The following DRD2 variants were observed in gnomAD, a reference collection of about 807,000 sequenced individuals.
DRD2 encodes the protein D(2) dopamine receptor.
Under a neutral mutation model 38.0 loss-of-function variants are expected in DRD2, and 8 were observed. The ratio of observed to expected loss-of-function variants is 0.21; its 90% CI spans 0.12 to 0.38. The LOEUF (loss-of-function observed/expected upper bound fraction) is 0.38, where lower values mean the gene tolerates loss of function less well. Among genes scored for constraint, DRD2 ranks in the 10% least tolerant of loss-of-function variants. The probability of loss-of-function intolerance (pLI) is 1.00; values close to 1 mark genes in which losing one functional copy is unlikely to be tolerated. For synonymous variants in DRD2, 230 were observed against 238.6 expected (o/e 0.96, Z 0.33); for missense variants, 403 against 607.7 (o/e 0.66, Z 3.54).
chr11:113,468,767 T>A (rs1376827818), intron 1 of DRD2, among the ~76,000 whole-genome samples: 1 of 152,262 alleles, frequency 6.6e-6, no homozygotes, highest in East Asian at 1.9e-4. Context: ...AGGCTGGTTG[T>A]GAACTCCTGA....
chr11:113,416,999 C>A lies in DRD2; in HGVS notation c.396G>T (p.Arg132Ser). 6.2e-7 allele frequency: 1 copy of A among 1,613,750 alleles called. No individual in the cohort carries two copies. The highest frequency in any genetic ancestry group is 1.1e-5 in the South Asian group (1 of 91,016). ...ILNLCAISID[R>S]YTAVAMPMLY... Reference sequence around the variant, plus strand: ...GCATGGGCATGGCCACAGCTGTGTACCTGCAAGGGCGGGGGACCCTGAATC... The same window carrying A: ...GCATGGGCATGGCCACAGCTGTGTAACTGCAAGGGCGGGGGACCCTGAATC... The change falls in exon 4 of 8, where the codon AGG (arginine) becomes AGT (serine). Residue 132 changes from arginine (R) to serine (S), a missense_variant and splice_region_variant. Arg to Ser is a moderately radical substitution (Grantham distance 110). Transcript: ENST00000362072.
At chr11:113,449,237 G>T (rs576126167) in intron 1 of DRD2, among the ~76,000 whole-genome samples, 1 of 152,052 alleles carries the variant, frequency 6.6e-6, no homozygotes, top group Non-Finnish European at 1.5e-5. Flanking sequence ...AAAGGGAAAA[G>T]CCCACCTCCT....
At chr11:113,466,993 T>C (rs1951375941) in intron 1 of DRD2, among the ~76,000 whole-genome samples, 1 of 152,182 alleles carries the variant, frequency 6.6e-6, no homozygotes, top group African/African-American at 2.4e-5. Context: ...GACCTTCAAC[T>C]ACACATACTA....
intron 2 of DRD2, among the ~76,000 whole-genome samples, chr11:113,418,597 C>G (rs1272585966): frequency 6.6e-6 from 1 of 152,178 alleles, no homozygotes; most frequent in African/African-American, 2.4e-5. Context: ...TAGTTAATTC[C>G]TGAAGACAGA....
chr11:113,455,469 A>G (rs1386825157), intron 1 of DRD2, among the ~76,000 whole-genome samples: 1 of 152,224 alleles, frequency 6.6e-6, no homozygotes, highest in Non-Finnish European at 1.5e-5. Context: ...AATTACATCA[A>G]ACTAAAATGT....
chr11:113,458,331 T>C (rs1951285899), intron 1 of DRD2, among the ~76,000 whole-genome samples: 1 of 152,164 alleles, frequency 6.6e-6, no homozygotes, highest in African/African-American at 2.4e-5. Context: ...TTTTATTGCA[T>C]ATGTAATCTC....
At chr11:113,415,153 G>A (rs1191185841) in intron 5 of DRD2, 7 of 397,054 alleles carry the variant, frequency 1.8e-5, no homozygotes, top group Admixed American at 4.1e-5. Context: ...CCAAGCAAGA[G>A]TTGCCGCCTT....
chr11:113,458,025 C>A (rs996872748), intron 1 of DRD2, among the ~76,000 whole-genome samples: 1 of 152,232 alleles, frequency 6.6e-6, no homozygotes, highest in South Asian at 2.1e-4. Flanking sequence ...GGAAGCCAGA[C>A]TGTTGAAAAG....
intron 1 of DRD2, among the ~76,000 whole-genome samples, chr11:113,445,515 G>A (rs539871794): frequency 2.0e-5 from 3 of 152,240 alleles, no homozygotes; most frequent in South Asian, 2.1e-4. Context: ...CTGAGGCATC[G>A]TATCCTCCTC....
chr11:113,431,727 A>C (rs1321221628), intron 1 of DRD2, among the ~76,000 whole-genome samples: 1 of 152,230 alleles, frequency 6.6e-6, no homozygotes, highest in East Asian at 1.9e-4. Context: ...TAGAAATATT[A>C]GGTCAGTTGG....
At chr11:113,463,968 G>A (rs1951345541) in intron 1 of DRD2, among the ~76,000 whole-genome samples, 1 of 152,166 alleles carries the variant, frequency 6.6e-6, no homozygotes, top group South Asian at 2.1e-4. Context: ...CATTCTGGCA[G>A]AGAAAACAAC....
intron 1 of DRD2, among the ~76,000 whole-genome samples, chr11:113,463,657 G>A (rs528998665): frequency 6.6e-5 from 10 of 152,320 alleles, no homozygotes; most frequent in South Asian, 2.1e-4. Flanking sequence ...TTGCGGGGGC[G>A]GGGCTCAATG....
chr11:113,429,858 T>C (rs993946505), intron 1 of DRD2, among the ~76,000 whole-genome samples: 3 of 152,246 alleles, frequency 2.0e-5, no homozygotes, highest in African/African-American at 7.2e-5. Context: ...AGTTTTCCCA[T>C]ACACAAAATA....
rs559077358 is a variant in DRD2, at chr11:113,413,352, C to G, written c.811-469G>C. ...ATGGGTACCTGCACCTGCGTACACACGTGGGCTCCATATTCTCCTGGATAG... is the reference window on the plus strand; with the variant it reads ...ATGGGTACCTGCACCTGCGTACACAGGTGGGCTCCATATTCTCCTGGATAG... On this transcript the variant is annotated intron_variant, in intron 6 of 7. Coordinates refer to ENST00000362072, the MANE Select transcript of DRD2 (RefSeq NM_000795.4). The G allele has an allele frequency of 3.8e-5, 20 of 525,302 alleles. 1 individual carries two copies. Among genetic ancestry groups the G allele is most frequent in the East Asian group, 2.7e-4 (5 of 18,628 alleles). 32.5% of individuals were successfully genotyped at this position (525,302 alleles called of 1,614,324 possible). A position where few individuals can be genotyped will look rare whatever the true frequency, so the allele number is the denominator to read the frequency against.
chr11:113,437,710 G>T (rs1951051920), intron 1 of DRD2, among the ~76,000 whole-genome samples: 1 of 152,136 alleles, frequency 6.6e-6, no homozygotes, highest in Non-Finnish European at 1.5e-5. Context: ...GAGGAGTGTG[G>T]GCAAGAGCTG....
chr11:113,474,321 T>A (rs1453106690), intron 1 of DRD2: 1 of 152,078 alleles, frequency 6.6e-6, no homozygotes, highest in South Asian at 2.1e-4. Context: ...GTCTCTTGTC[T>A]CCGCATACCA....
chr11:113,410,894 A>C lies in DRD2; in HGVS notation c.1165T>G (p.Phe389Val), dbSNP rs763380657. Residue 389 changes from phenylalanine to valine, a missense_variant, in exon 8 of 8, where the codon TTC becomes GTC. Transcript: ENST00000362072. ...ATGTTCAGGATGTGTGTGATGAAGA[A>C]GGGCAGCCAGCAGATGATGAACACG... ...LGVFIICWLP[F>V]FITHILNIHC... 1 of 1,611,318 alleles carries C rather than the reference A, an allele frequency of 6.2e-7. No homozygotes were observed. The highest frequency in any genetic ancestry group is 8.5e-7 in the Non-Finnish European group (1 of 1,177,556).
intron 1 of DRD2, among the ~76,000 whole-genome samples, chr11:113,443,048 T>C (rs1951108843): frequency 6.6e-6 from 1 of 152,200 alleles, no homozygotes; most frequent in African/African-American, 2.4e-5. Flanking sequence ...CTGATGACAG[T>C]GAACAAGTGG....
intron 1 of DRD2, among the ~76,000 whole-genome samples, chr11:113,441,700 G>T (rs947509613): frequency 6.6e-6 from 1 of 152,104 alleles, no homozygotes; most frequent in African/African-American, 2.4e-5. Context: ...GATGGAAAAA[G>T]AAGCTACACC....
Sources: allele counts gnomAD v4.1 joint callset (sites outside exome capture counted in the v4.1 genomes callset), GRCh38; gene constraint gnomAD v4.1.1; transcripts MANE v1.5; gene names NCBI Gene and HGNC (gene_info 2026-07-23, HGNC 2026-07-21).